LARS1: variants seen among roughly 807,000 people sequenced by gnomAD.
LARS1 encodes the protein leucine--tRNA ligase, cytoplasmic.
Under a neutral mutation model 162.8 loss-of-function variants are expected in LARS1, and 100 were observed. The observed-to-expected ratio is 0.61, with a 90% CI of 0.52 to 0.73. The LOEUF is 0.73. Among genes scored for constraint, LARS1 ranks in the 30% least tolerant of loss-of-function variants. The pLI is 0.00. For synonymous variants in LARS1, 457 were observed against 462.8 expected (o/e 0.99, Z 0.16); for missense variants, 1,258 against 1,408.9 (o/e 0.89, Z 1.71).
intron 26 of LARS1, 37 bp downstream of exon 26, chr5:146,128,941 G>T: frequency 6.5e-7 from 1 of 1,528,640 alleles, no homozygotes; most frequent in South Asian, 1.2e-5. Context: ...AACTTTTAAG[G>T]AATAATCCTT....
At chr5:146,148,204 A>T (rs1430649028) in intron 15 of LARS1, among the ~76,000 whole-genome samples, 1 of 152,234 alleles carries the variant, frequency 6.6e-6, no homozygotes. Context: ...GGACATAGAC[A>T]TGGGATTAAG....
chr5:146,177,366 T>C (rs2126606219), intron 2 of LARS1, among the ~76,000 whole-genome samples, 181 bp downstream of exon 2: 1 of 146,920 alleles, frequency 6.8e-6, no homozygotes, highest in South Asian at 2.1e-4. Context: ...CTCGGGAGGC[T>C]GAGGCAGGAG....
Position 146,133,021 on chromosome 5 carries a change from GCT to G in LARS1, c.2271_2272del (p.Glu757AspfsTer37). On this transcript the variant is annotated frameshift_variant, in exon 23 of 32. Coordinates refer to ENST00000394434, the MANE Select transcript of LARS1 (RefSeq NM_020117.11). LOFTEE classifies it high-confidence loss of function. ...ACGGAGAATACCTGCATCTGCCATG[GCT>G]TCCACAAAGTTGGCATCTTCTACAG... is the stretch of plus-strand genomic sequence containing the variant. The G allele has an allele frequency of 1.9e-6, 3 of 1,614,026 alleles. No homozygotes were observed. The highest frequency in any genetic ancestry group is 2.5e-6 in the Non-Finnish European group (3 of 1,179,978).
chr5:146,165,425 G>A (rs1333571991), intron 5 of LARS1, among the ~76,000 whole-genome samples: 2 of 151,826 alleles, frequency 1.3e-5, no homozygotes, highest in Non-Finnish European at 2.9e-5. Flanking sequence ...CAGCTATTTG[G>A]GAGACTAAAA....
At chr5:146,181,309 C>T (rs143326019) in intron 1 of LARS1, 9,305 of 151,798 alleles carry the variant, frequency 0.061, 328 homozygotes, top group Non-Finnish European at 0.069. Context: ...GCCGAGATCG[C>T]GCCGCTGCAC....
intron 20 of LARS1, among the ~76,000 whole-genome samples, chr5:146,140,707 G>C (rs1348973334): frequency 6.6e-6 from 1 of 152,170 alleles, no homozygotes; most frequent in Non-Finnish European, 1.5e-5. Flanking sequence ...TGGGGAGGCT[G>C]AGGCAGACAG....
chr5:146,159,133 G>C (rs1206674603), intron 8 of LARS1, among the ~76,000 whole-genome samples: 2 of 151,326 alleles, frequency 1.3e-5, no homozygotes, highest in Non-Finnish European at 2.9e-5. Flanking sequence ...CCCACCCCCA[G>C]AACTTTTGAT....
At chr5:146,171,225 C>T (rs530659712) in intron 4 of LARS1, among the ~76,000 whole-genome samples, 4 of 151,890 alleles carry the variant, frequency 2.6e-5, no homozygotes, top group South Asian at 4.2e-4. Flanking sequence ...GGTGTGGTGG[C>T]GGGTGCCTGT....
At position 146,157,403 on chromosome 5, in the gene LARS1, C is replaced by T. The variant is rs1753578125; in HGVS notation, c.1065G>A (p.Glu355=). Residue 355 remains glutamate (E), a splice_region_variant and synonymous_variant, in exon 10 of 32, where the codon GAG becomes GAA. Transcript: ENST00000394434. ...VVPVVKELMG[E]EILGASLSAP... The stretch of plus-strand genomic sequence containing the variant: ...ATAAAAAATCTGCTATCCAACTTAC[C>T]TCCCCCATTAATTCCTTAACAACAG... 1.2e-6 allele frequency: 2 copies of T among 1,611,302 alleles called. No homozygotes were observed. Among genetic ancestry groups the T allele is most frequent in the Non-Finnish European group, 1.7e-6 (2 of 1,178,356 alleles).
At chr5:146,158,184 C>A (rs1333357467) in intron 8 of LARS1, among the ~76,000 whole-genome samples, 1 of 152,132 alleles carries the variant, frequency 6.6e-6, no homozygotes, top group African/African-American at 2.4e-5. Context: ...TCTCTCTAAG[C>A]CTTTCTTTCC....
At chr5:146,122,380 T>C (rs1343952624) in intron 30 of LARS1, 112 bp downstream of exon 30, 2 of 599,588 alleles carry the variant, frequency 3.3e-6, no homozygotes, top group African/African-American at 3.7e-5. Context: ...AACCACTTAA[T>C]TTCTCTGGAC....
intron 4 of LARS1, among the ~76,000 whole-genome samples, chr5:146,169,009 ACACATGTAACAAAGCTGCACATTGTG>A (rs1368534221): frequency 6.6e-6 from 1 of 152,132 alleles, no homozygotes; most frequent in Admixed American, 6.6e-5. Context: ...GCACATGTAT[ACACATGTAACAAAGCTGCACATTGTG>A]CACATGTACC....
chr5:146,129,250 C>A, intron 25 of LARS1, 132 bp from the exon 26 acceptor site: 1 of 684,016 alleles, frequency 1.5e-6, no homozygotes, highest in Non-Finnish European at 2.3e-6. Flanking sequence ...CTTGACTACA[C>A]ATAACACACT....
intron 22 of LARS1, 96 bp from the exon 23 acceptor site, chr5:146,133,177 A>G (rs1752361894): frequency 9.9e-7 from 1 of 1,005,624 alleles, no homozygotes; most frequent in South Asian, 1.7e-5. Flanking sequence ...CAAAGCCCAT[A>G]TATAAATTAA....
Position 146,172,769 on chromosome 5 carries a change from C to T in LARS1, c.131G>A (p.Gly44Asp). ...ASNLEKQTSK[G>D]KYFVTFPYPY... is the part of the protein sequence containing the mutation. The stretch of plus-strand genomic sequence containing the variant: ...ATATGGGAAGGTTACAAAATACTTG[C>T]CCTTGCTGCAAAACAACAGTATAAA... The change falls in exon 3 of 32, where the codon GGC becomes GAC. Residue 44 changes from glycine to aspartate, a missense_variant. Physicochemically the swap from Gly to Asp is moderately conservative, Grantham distance 94. Transcript: ENST00000394434. 6.5e-7 allele frequency: 1 copy of T among 1,542,726 alleles called. No homozygotes were observed. The highest frequency in any genetic ancestry group is 1.9e-5 in the Admixed American group (1 of 51,526).
At chr5:146,174,167 G>T (rs868398451) in intron 2 of LARS1, among the ~76,000 whole-genome samples, 4 of 24,928 alleles carry the variant, frequency 1.6e-4, no homozygotes, top group South Asian at 1.9e-3. Context: ...AAAAAAAAAA[G>T]GCTGGGGCCT....
At chr5:146,178,901 C>T (rs1020896185) in intron 1 of LARS1, among the ~76,000 whole-genome samples, 2 of 151,964 alleles carry the variant, frequency 1.3e-5, no homozygotes, top group African/African-American at 2.4e-5. Context: ...TTGAGACCAG[C>T]CTAGGCAACA....
chr5:146,166,811 C>T (rs1469006731), intron 5 of LARS1, among the ~76,000 whole-genome samples: 3 of 151,668 alleles, frequency 2.0e-5, no homozygotes, highest in African/African-American at 7.3e-5. Context: ...AGTATTATTT[C>T]CATGGCCTCA....
intron 2 of LARS1, among the ~76,000 whole-genome samples, chr5:146,175,924 G>A (rs1373441519): frequency 1.3e-5 from 2 of 152,040 alleles, no homozygotes; most frequent in Non-Finnish European, 2.9e-5. Context: ...AGAGGCCAAG[G>A]CAGAAGGATC....
Sources: gnomAD v4.1 joint callset for allele counts (sites outside exome capture counted in the v4.1 genomes callset) on GRCh38, gnomAD v4.1.1 for gene constraint, MANE v1.5 for transcripts, NCBI Gene and HGNC (gene_info 2026-07-23, HGNC 2026-07-21) for gene names.